The following RNF43 variants were observed in gnomAD, a reference collection of about 807,000 sequenced individuals.
RNF43 encodes ring finger protein 43, also known as E3 ubiquitin-protein ligase RNF43.
RNF43 carries 37 observed loss-of-function variants against 78.4 expected under a neutral mutation model. That is an observed-to-expected ratio of 0.47 (90% CI 0.36 to 0.62). RNF43 has a LOEUF of 0.62. Ranked by LOEUF, RNF43 falls within the 20% of genes least tolerant of loss-of-function variation. RNF43 has a pLI of 0.00. For synonymous variants in RNF43, 347 were observed against 395.0 expected, an observed-to-expected ratio of 0.88 and a Z score of 1.44; for missense variants, 774 against 1,007.9, an observed-to-expected ratio of 0.77 and a Z score of 3.14.
intron 9 of RNF43, 112 bp from the exon 10 acceptor site, chr17:58,355,098 G>C: frequency 1.0e-6 from 1 of 960,766 alleles, no homozygotes; most frequent in East Asian, 2.5e-5. Context: ...GGGAGAAGCA[G>C]AGACTGTCTG....
At chr17:58,363,226 C>G (rs1181002268) in intron 5 of RNF43, 49 bp downstream of exon 5, 1 of 1,603,266 alleles carries the variant, frequency 6.2e-7, no homozygotes, top group African/African-American at 1.3e-5. Flanking sequence ...TGCCACAGGA[C>G]AAAGTAGGGC....
chr17:58,384,544 C>T (rs1973391659), intron 2 of RNF43, among the ~76,000 whole-genome samples: 1 of 152,152 alleles, frequency 6.6e-6, no homozygotes, highest in Non-Finnish European at 1.5e-5. Context: ...GCTTTATAAT[C>T]CTTCATTAGC....
chr17:58,369,954 G>C (rs1203114893), intron 3 of RNF43, among the ~76,000 whole-genome samples: 4 of 151,838 alleles, frequency 2.6e-5, no homozygotes, highest in Admixed American at 6.6e-5. Flanking sequence ...TAGCAAAAGA[G>C]AAGGCCCACA....
At position 58,360,727 on chromosome 17, in the gene RNF43, C is replaced by G; in HGVS notation, c.849+56G>C. 1 of 1,543,334 alleles carries G rather than the reference C, an allele frequency of 6.5e-7. No homozygotes were observed. ...AGCCCCTAGGCCTGCCCACCCCTCC[C>G]CCAGCTTCAATCTCCCCAGTCTGGT... On this transcript the variant is annotated intron_variant, in intron 7 of 9. Coordinates refer to ENST00000407977, the MANE Select transcript of RNF43 (RefSeq NM_017763.6). This position sits in a 1 kb window ranked among gnomAD's most constrained non-coding sequence, Gnocchi z 4.3.
intron 2 of RNF43, among the ~76,000 whole-genome samples, chr17:58,385,861 C>T (rs1363809702): frequency 2.0e-5 from 3 of 152,168 alleles, no homozygotes; most frequent in South Asian, 2.1e-4. Context: ...AATCCCATAA[C>T]TTTGGGAGGC....
intron 8 of RNF43, among the ~76,000 whole-genome samples, chr17:58,359,607 AAAT>A (rs376555627): frequency 1.5e-3 from 226 of 148,988 alleles, no homozygotes; most frequent in African/African-American, 5.1e-3. Context: ...CCAACTCAAA[AAAT>A]AATAATAATA....
chr17:58,408,923 A>G (rs888901086), intron 2 of RNF43, among the ~76,000 whole-genome samples: 1 of 152,230 alleles, frequency 6.6e-6, no homozygotes, highest in South Asian at 2.1e-4. Context: ...TTGCTTTCAC[A>G]GAACTCATAT....
intron 2 of RNF43, among the ~76,000 whole-genome samples, chr17:58,375,229 C>A (rs1973183066): frequency 6.6e-6 from 1 of 152,160 alleles, no homozygotes. Flanking sequence ...GAGCACGTTA[C>A]TCTTCTACTT....
intron 2 of RNF43, among the ~76,000 whole-genome samples, chr17:58,403,455 C>T (rs926932450): frequency 1.2e-4 from 18 of 152,328 alleles, no homozygotes; most frequent in Non-Finnish European, 2.4e-4. Context: ...GAAGTGCAAA[C>T]TAGTTGGAAA....
intron 2 of RNF43, among the ~76,000 whole-genome samples, chr17:58,414,009 G>A (rs1319617770): frequency 6.6e-6 from 1 of 152,144 alleles, no homozygotes; most frequent in African/African-American, 2.4e-5. Context: ...GATGATTTAT[G>A]AGTTCAGCTT....
In RNF43 at chr17:58,408,284, G is replaced by A. The variant is rs1448700803; in HGVS notation, c.252+7042C>T. On this transcript the variant is annotated intron_variant, in intron 2 of 9. Coordinates refer to ENST00000407977, the MANE Select transcript of RNF43 (RefSeq NM_017763.6). Reference sequence around the variant, plus strand: ...TCACTGAGATTTTATGCAAAATTGTGTATGTTAAGTATTTGTGTGTATTTT... The same window carrying A: ...TCACTGAGATTTTATGCAAAATTGTATATGTTAAGTATTTGTGTGTATTTT... Among the ~76,000 whole-genome samples, 3 of 152,144 alleles carry A rather than the reference G, an allele frequency of 2.0e-5. No homozygotes were observed. The East Asian group carries it at 5.8e-4, about 29-fold the overall frequency.
intron 2 of RNF43, among the ~76,000 whole-genome samples, chr17:58,398,915 G>A (rs1337679856): frequency 6.6e-6 from 1 of 152,182 alleles, no homozygotes; most frequent in African/African-American, 2.4e-5. Context: ...TAGGCTTTGG[G>A]AAGAAAACAG....
At chr17:58,363,755 GTCTAAGATCTCC>G (rs1432522528) in intron 3 of RNF43, among the ~76,000 whole-genome samples, 155 bp from the exon 4 acceptor site, 1 of 152,194 alleles carries the variant, frequency 6.6e-6, no homozygotes, top group Non-Finnish European at 1.5e-5. Flanking sequence ...GGGTCACTGG[GTCTAAGATCTCC>G]TCTTCTGCCT....
At chr17:58,369,091 A>T (rs555935796) in intron 3 of RNF43, among the ~76,000 whole-genome samples, 2 of 150,940 alleles carry the variant, frequency 1.3e-5, no homozygotes, top group Non-Finnish European at 2.9e-5. Flanking sequence ...ACACACACAC[A>T]CGCACACACA....
chr17:58,368,322 C>T (rs902703914), intron 3 of RNF43, among the ~76,000 whole-genome samples: 2 of 152,122 alleles, frequency 1.3e-5, no homozygotes, highest in African/African-American at 4.8e-5. Context: ...CCGAGGCAGG[C>T]AGAACTCTGG....
intron 2 of RNF43, among the ~76,000 whole-genome samples, chr17:58,376,097 G>A (rs1973199176): frequency 6.6e-6 from 1 of 152,204 alleles, no homozygotes; most frequent in South Asian, 2.1e-4. Context: ...CTGTGCCCCA[G>A]AAGCGGTGGG....
In RNF43 at chr17:58,371,356, G is replaced by A. The variant is rs573110881; in HGVS notation, c.253-323C>T. 3.9e-5 allele frequency among the ~76,000 whole-genome samples: 6 copies of A among 152,326 alleles called. No homozygotes were observed. The South Asian group carries it at 8.3e-4, about 21-fold the overall frequency. On this transcript the variant is annotated intron_variant, in intron 2 of 9. Transcript: ENST00000407977. ...TCCTACTTCTCTAAACTGGCCAGACGCAGAGGGCTCCTCTCCTGGCCCCAG... is the reference window on the plus strand; with the variant it reads ...TCCTACTTCTCTAAACTGGCCAGACACAGAGGGCTCCTCTCCTGGCCCCAG...
At chr17:58,401,781 G>C (rs573972060) in intron 2 of RNF43, among the ~76,000 whole-genome samples, 54 of 150,854 alleles carry the variant, frequency 3.6e-4, no homozygotes, top group Admixed American at 2.6e-3. Context: ...AAACTAAAGG[G>C]ACACTTTCAT....
At chr17:58,380,047 G>A (rs1973280989) in intron 2 of RNF43, among the ~76,000 whole-genome samples, 1 of 152,188 alleles carries the variant, frequency 6.6e-6, no homozygotes, top group Non-Finnish European at 1.5e-5. Flanking sequence ...GGCCTGTGAA[G>A]ATCAAGACCT....
Sources: allele counts gnomAD v4.1 joint callset (sites outside exome capture counted in the v4.1 genomes callset), GRCh38; gene constraint gnomAD v4.1.1; non-coding constraint Gnocchi (gnomAD v3.1); transcripts MANE v1.5; gene names NCBI Gene and HGNC (gene_info 2026-07-23, HGNC 2026-07-21).